The following MBD5 variants were observed in gnomAD, a reference collection of about 807,000 sequenced individuals.
MBD5 encodes the protein methyl-CpG-binding domain protein 5.
MBD5 carries 13 observed loss-of-function variants against 117.3 expected under a neutral mutation model. The ratio of observed to expected loss-of-function variants is 0.11; its 90% CI spans 0.07 to 0.18. MBD5 has a LOEUF of 0.18. Among genes scored for constraint, MBD5 ranks in the 10% least tolerant of loss-of-function variants. MBD5 has a pLI of 1.00. For synonymous variants in MBD5, 727 were observed against 766.4 expected (o/e 0.95, Z 0.85); for missense variants, 1,879 against 2,093.8 (o/e 0.90, Z 2.00).
chr2:148,343,714 A>G (rs759659683), intron 4 of MBD5, among the ~76,000 whole-genome samples: 1 of 151,996 alleles, frequency 6.6e-6, no homozygotes, highest in Non-Finnish European at 1.5e-5. Context: ...ATTTTCACCC[A>G]TTCTGTGGAT....
At chr2:148,203,717 G>C (rs1331196589) in intron 2 of MBD5, among the ~76,000 whole-genome samples, 4 of 152,132 alleles carry the variant, frequency 2.6e-5, no homozygotes, top group Non-Finnish European at 5.9e-5. Context: ...ATGTAGCCCT[G>C]TCTTTTATGC....
At chr2:148,099,515 C>G (rs970330417) in intron 1 of MBD5, among the ~76,000 whole-genome samples, 2 of 151,944 alleles carry the variant, frequency 1.3e-5, no homozygotes, top group Admixed American at 6.6e-5. Context: ...TGGAAAAGTT[C>G]GGCAATTTTG....
intron 3 of MBD5, among the ~76,000 whole-genome samples, chr2:148,292,351 G>A (rs1701519665): frequency 6.6e-6 from 1 of 152,132 alleles, no homozygotes; most frequent in Non-Finnish European, 1.5e-5. Flanking sequence ...TATGTAAGGA[G>A]CTCATAAACT....
intron 2 of MBD5, among the ~76,000 whole-genome samples, chr2:148,185,965 G>T (rs545503356): frequency 1.3e-5 from 2 of 152,174 alleles, no homozygotes; most frequent in East Asian, 1.9e-4. Flanking sequence ...CATGATTTGC[G>T]TATCTCTGTT....
chr2:148,074,893 C>T (rs528480513), intron 1 of MBD5, among the ~76,000 whole-genome samples: 7 of 152,074 alleles, frequency 4.6e-5, no homozygotes, highest in Non-Finnish European at 8.8e-5. Context: ...TTCCTCCAAA[C>T]TCTGTTATAG....
At chr2:148,481,430 T>C (rs1426051217) in intron 8 of MBD5, among the ~76,000 whole-genome samples, 1 of 152,172 alleles carries the variant, frequency 6.6e-6, no homozygotes, top group Non-Finnish European at 1.5e-5. Flanking sequence ...AAATGTAAAG[T>C]TTTTTAGGAT....
intron 4 of MBD5, among the ~76,000 whole-genome samples, chr2:148,378,159 T>G (rs751326037): frequency 1.3e-5 from 2 of 152,158 alleles, no homozygotes; most frequent in Non-Finnish European, 2.9e-5. Context: ...ATTCATTAAT[T>G]TATACATATT....
chr2:148,482,843 A>G (rs935780430), intron 8 of MBD5, among the ~76,000 whole-genome samples: 3 of 152,102 alleles, frequency 2.0e-5, no homozygotes, highest in Non-Finnish European at 1.5e-5. Flanking sequence ...TTCTTTTTTT[A>G]AAACCCCCAC....
intron 2 of MBD5, among the ~76,000 whole-genome samples, chr2:148,219,415 A>G (rs1666619154): frequency 6.6e-6 from 1 of 152,142 alleles, no homozygotes; most frequent in African/African-American, 2.4e-5. Context: ...ACACTCTACT[A>G]TAACAATTAA....
chr2:148,212,241 C>T (rs2106015598), intron 2 of MBD5, among the ~76,000 whole-genome samples: 1 of 152,268 alleles, frequency 6.6e-6, no homozygotes, highest in South Asian at 2.1e-4. Flanking sequence ...TACTCTATTT[C>T]CCTCAACTCC....
At chr2:148,485,267 G>T (rs1484373109) in intron 9 of MBD5, 1 of 155,042 alleles carries the variant, frequency 6.4e-6, no homozygotes, top group East Asian at 1.9e-4. Flanking sequence ...CCAAATCGAT[G>T]ATTTGATTTG....
chr2:148,451,397 G>C (rs1706723155), intron 4 of MBD5, among the ~76,000 whole-genome samples: 1 of 152,146 alleles, frequency 6.6e-6, no homozygotes, highest in African/African-American at 2.4e-5. Context: ...AAAGAAAAAT[G>C]CATGTCTTGA....
At chr2:148,217,276 C>G (rs912554285) in intron 2 of MBD5, among the ~76,000 whole-genome samples, 21 of 152,148 alleles carry the variant, frequency 1.4e-4, no homozygotes, top group African/African-American at 4.8e-4. Context: ...CATCTCCACC[C>G]CTGCTCCTCT....
intron 1 of MBD5, among the ~76,000 whole-genome samples, chr2:148,043,205 C>A (rs1039250288): frequency 1.1e-4 from 16 of 151,562 alleles, no homozygotes; most frequent in Admixed American, 5.9e-4. Context: ...GCAGGTGGAT[C>A]ACGAGGTCAG....
At chr2:148,185,201 G>A (rs1427642073) in intron 2 of MBD5, among the ~76,000 whole-genome samples, 1 of 152,156 alleles carries the variant, frequency 6.6e-6, no homozygotes, top group African/African-American at 2.4e-5. Context: ...ACTGCCTCCT[G>A]CCCCAGATCC....
At chr2:148,105,625 AC>A (rs1359454228) in intron 1 of MBD5, among the ~76,000 whole-genome samples, 1 of 151,636 alleles carries the variant, frequency 6.6e-6, no homozygotes, top group African/African-American at 2.4e-5. Flanking sequence ...GTTTTTTAAG[AC>A]TTTTTTCAGG....
intron 1 of MBD5, among the ~76,000 whole-genome samples, chr2:148,133,721 G>A (rs1031566385): frequency 6.6e-6 from 1 of 152,178 alleles, no homozygotes; most frequent in African/African-American, 2.4e-5. Flanking sequence ...TACTTGGGAG[G>A]CTGAGGCCGG....
intron 11 of MBD5, among the ~76,000 whole-genome samples, chr2:148,491,442 C>T (rs1043597370): frequency 2.6e-5 from 4 of 151,506 alleles, no homozygotes; most frequent in Non-Finnish European, 5.9e-5. Context: ...TGATTAAAAA[C>T]GTATAATTTT....
At chr2:148,397,440 C>T (rs900072259) in intron 4 of MBD5, among the ~76,000 whole-genome samples, 1 of 150,632 alleles carries the variant, frequency 6.6e-6, no homozygotes, top group Admixed American at 6.6e-5. Context: ...CACCATTCTC[C>T]TGCCTCAGCC....
Sources: allele counts gnomAD v4.1 joint callset (sites outside exome capture counted in the v4.1 genomes callset), GRCh38; gene constraint gnomAD v4.1.1; transcripts MANE v1.5; gene names NCBI Gene and HGNC (gene_info 2026-07-23, HGNC 2026-07-21).